CATSPER1: variants seen among roughly 807,000 people sequenced by gnomAD.
CATSPER1 encodes the protein cation channel sperm-associated protein 1.
In CATSPER1, 57 loss-of-function variants were observed where a neutral mutation model predicts 72.7. The ratio of observed to expected loss-of-function variants is 0.78; its 90% confidence interval spans 0.63 to 0.98. The LOEUF (loss-of-function observed/expected upper bound fraction) is 0.98, where lower values mean the gene tolerates loss of function less well. Ranked by LOEUF, CATSPER1 falls within the 50% of genes least tolerant of loss-of-function variation. CATSPER1 has a pLI of 0.00. For missense variants in CATSPER1, 910 were observed against 1,033.9 expected (o/e 0.88, Z 1.64); for synonymous variants, 363 against 403.0 (o/e 0.90, Z 1.19).
chr11:66,017,128 C>G lies in CATSPER1; in HGVS notation c.2248G>C (p.Glu750Gln). 2 of 1,613,290 alleles carry G rather than the reference C, an allele frequency of 1.2e-6. No homozygotes were observed. Among genetic ancestry groups the G allele is most frequent in the Middle Eastern group, 1.7e-4 (1 of 5,980 alleles). Residue 750 changes from glutamate to glutamine, a missense_variant, in exon 11 of 12, where the codon GAG becomes CAG. By Grantham distance (29) the Glu-to-Gln change is conservative (BLOSUM62 2). Transcript: ENST00000312106. The part of the protein sequence containing the change: ...FHYLQLVASV[E>Q]QEQQKFRSQA... ...GAGCGGAACTTCTGCTGCTCCTGCT[C>G]CACGCTTGCCACCAGCTGCAGGTAA...
At position 66,026,251 on chromosome 11, in the gene CATSPER1, G is replaced by A. The variant is rs34822127; in HGVS notation, c.129C>T (p.Tyr43=). 1.5e-5 allele frequency: 25 copies of A among 1,613,998 alleles called. No individual in the cohort carries two copies. Among genetic ancestry groups the A allele is most frequent in the African/African-American group, 9.3e-5 (7 of 74,928 alleles). ...RPGHSRALHH[Y]ELHHHGVPHQ... is the part of the protein sequence containing the mutation. Reference sequence around the variant, plus strand: ...GGGGCACGCCGTGATGGTGCAACTCGTAATGGTGGAGAGCTCTGCTGTGGC... The same window carrying A: ...GGGGCACGCCGTGATGGTGCAACTCATAATGGTGGAGAGCTCTGCTGTGGC... The change falls in exon 1 of 12, where the codon TAC becomes TAT. Residue 43 remains tyrosine (Y), a synonymous_variant. Transcript: ENST00000312106.
Position 66,025,688 on chromosome 11 carries a change from T to G in CATSPER1, c.692A>C (p.His231Pro), listed in dbSNP as rs745919577. 6.2e-7 allele frequency: 1 copy of G among 1,613,838 alleles called. No homozygotes were observed. The highest frequency in any genetic ancestry group is 8.5e-7 in the Non-Finnish European group (1 of 1,179,972). Residue 231 changes from histidine to proline, a missense_variant, in exon 1 of 12, where the codon CAT (histidine) becomes CCT (proline). By Grantham distance (77) the His-to-Pro change is moderately conservative (BLOSUM62 -2). Coordinates refer to ENST00000312106, the MANE Select transcript of CATSPER1 (RefSeq NM_053054.4). ...CTTTCCATGCTGGTGGGCTTCATGA[T>G]GACGGGACCTGCCATGGTGGTGGAC... ...HQVHHHGRSR[H>P]HEAHQHGKSP...
intron 1 of CATSPER1, 141 bp downstream of exon 1, chr11:66,025,023 A>G (rs1856465514): frequency 1.0e-6 from 1 of 962,104 alleles, no homozygotes; most frequent in African/African-American, 1.6e-5. Flanking sequence ...ATGAACAGTC[A>G]GGAGAGTGAA....
Position 66,025,377 on chromosome 11 carries a change from T to G in CATSPER1, c.1003A>C (p.Ile335Leu). The G allele has an allele frequency of 6.2e-7, 1 of 1,614,006 alleles. No individual in the cohort carries two copies. The highest frequency in any genetic ancestry group is 1.1e-5 in the South Asian group (1 of 91,072). The change falls in exon 1 of 12, where the codon ATT (isoleucine) becomes CTT (leucine). Residue 335 changes from isoleucine (I) to leucine (L), a missense_variant. Coordinates refer to ENST00000312106, the MANE Select transcript of CATSPER1 (RefSeq NM_053054.4). The stretch of plus-strand genomic sequence containing the variant: ...GCAGCAGGGCCGGGGGCATCGTGAA[T>G]CAGGCTCCGGGATGTGTGTGGGATA... ...LSIPHTSRSL[I>L]HDAPGPAASR...
chr11:66,023,142 T>G, intron 1 of CATSPER1, 81 bp from the exon 2 acceptor site: 1 of 1,326,302 alleles, frequency 7.5e-7, no homozygotes, highest in Non-Finnish European at 1.1e-6. Context: ...TGGCTCAGCG[T>G]CCATGGTCAC....
chr11:66,018,618 C>T (rs1253464672), intron 10 of CATSPER1, among the ~76,000 whole-genome samples: 1 of 152,198 alleles, frequency 6.6e-6, no homozygotes, highest in Non-Finnish European at 1.5e-5. Flanking sequence ...GGCACCCCTG[C>T]TGCTGGGATT....
In CATSPER1 at chr11:66,020,463, T is replaced by A. The variant is rs930779362; in HGVS notation, c.1992-74A>T. ...GGGGCACCCGGTACTTCTTGTGGGT[T>A]CAGCGTGGCATGACCAGGGTGAGAG... On this transcript the variant is annotated intron_variant, in intron 7 of 11. Coordinates refer to ENST00000312106, the MANE Select transcript of CATSPER1 (RefSeq NM_053054.4). This position sits in a 1 kb window ranked among gnomAD's most constrained non-coding sequence, Gnocchi z 4.5. The A allele has an allele frequency of 1.2e-5, 20 of 1,604,994 alleles. No individual in the cohort carries two copies. Among genetic ancestry groups the A allele is most frequent in the Middle Eastern group, 3.3e-4 (2 of 6,074 alleles).
At position 66,026,099 on chromosome 11, in the gene CATSPER1, G is replaced by T; in HGVS notation, c.281C>A (p.Thr94Lys). Reference protein sequence around the residue: ...ARNHGRAHGPTGFGLAPSQGA... With the variant: ...ARNHGRAHGPKGFGLAPSQGA... ...TTGAGAGGGAGCCAGACCAAAGCCT[G>T]TGGGGCCATGGGCTCTGCCGTGATT... is the stretch of plus-strand genomic sequence containing the variant. Residue 94 changes from threonine (T) to lysine (K), a missense_variant, in exon 1 of 12, where the codon ACA becomes AAA. Coordinates refer to ENST00000312106, the MANE Select transcript of CATSPER1 (RefSeq NM_053054.4). 1.2e-6 allele frequency: 2 copies of T among 1,612,242 alleles called. No homozygotes were observed. Among genetic ancestry groups the T allele is most frequent in the African/African-American group, 1.3e-5 (1 of 74,916 alleles).
chr11:66,020,287 C>G lies in CATSPER1; in HGVS notation c.2064+30G>C, dbSNP rs776914422. 6.2e-7 allele frequency: 1 copy of G among 1,614,172 alleles called. No homozygotes were observed. Among genetic ancestry groups the G allele is most frequent in the Non-Finnish European group, 8.5e-7 (1 of 1,180,012 alleles). On this transcript the variant is annotated intron_variant, in intron 8 of 11. Coordinates refer to ENST00000312106, the MANE Select transcript of CATSPER1 (RefSeq NM_053054.4). This position sits in a 1 kb window ranked among gnomAD's most constrained non-coding sequence, Gnocchi z 4.5. ...GGCCTCACTCCTCCAGCTTCCTGAT[C>G]TGGTCCACCTGTCCCACCCCACTCG...
At chr11:66,021,381 C>T in intron 4 of CATSPER1, 115 bp downstream of exon 4, 1 of 1,379,386 alleles carries the variant, frequency 7.2e-7, no homozygotes, top group Non-Finnish European at 9.9e-7. Context: ...CTGGGGTCAG[C>T]AGCCTCCTGC....
chr11:66,017,866 A>G (rs754873325), intron 10 of CATSPER1, among the ~76,000 whole-genome samples: 56 of 152,182 alleles, frequency 3.7e-4, no homozygotes, highest in Non-Finnish European at 7.1e-4. Flanking sequence ...GGCGACCTGG[A>G]AAGACTTCTG....
intron 4 of CATSPER1, 140 bp downstream of exon 4, chr11:66,021,356 G>A (rs1856364171): frequency 7.9e-7 from 1 of 1,263,142 alleles, no homozygotes; most frequent in Non-Finnish European, 1.1e-6. Context: ...GTGCATGACA[G>A]AAGGCAGAAG....
In CATSPER1 at chr11:66,023,112, G is replaced by A. The variant is rs765401244; in HGVS notation, c.1217-51C>T. ...AAGTGTGTGCAAGAGGGGACACGAG[G>A]TCCCAGGCACCCCCCAGCCTGGCTC... On this transcript the variant is annotated intron_variant, in intron 1 of 11. Transcript: ENST00000312106. 4.6e-6 allele frequency: 7 copies of A among 1,535,616 alleles called. No homozygotes were observed. In the South Asian group the frequency reaches 7.8e-5, roughly 17 times the overall value.
At position 66,017,192 on chromosome 11, in the gene CATSPER1, G is replaced by GC; in HGVS notation, c.2202-19_2202-18insG. 2 of 518,410 alleles carry GC rather than the reference G, an allele frequency of 3.9e-6. No individual in the cohort carries two copies. Among genetic ancestry groups the GC allele is most frequent in the Non-Finnish European group, 3.8e-6 (1 of 262,958 alleles). 32.1% of individuals were successfully genotyped at this position (518,410 alleles called of 1,614,324 possible). A position where few individuals can be genotyped will look rare whatever the true frequency, so the allele number is the denominator to read the frequency against. Reference sequence around the variant, plus strand: ...CCTGCTGCCTGCGGGTGGGCGGGGGGGTCGCAGAGACAGGGGCTGGGCTGA... The same window carrying GC: ...CCTGCTGCCTGCGGGTGGGCGGGGGGCGTCGCAGAGACAGGGGCTGGGCTGA... On this transcript the variant is annotated intron_variant, in intron 10 of 11. Transcript: ENST00000312106.
intron 1 of CATSPER1, 104 bp downstream of exon 1, chr11:66,025,060 G>A: frequency 1.4e-6 from 2 of 1,404,746 alleles, no homozygotes; most frequent in Non-Finnish European, 2.0e-6. Context: ...TGTGCAGGAG[G>A]GTCGGGCCTT....
At chr11:66,025,035 A>C in intron 1 of CATSPER1, 129 bp downstream of exon 1, 1 of 1,067,230 alleles carries the variant, frequency 9.4e-7, no homozygotes, top group Non-Finnish European at 1.4e-6. Flanking sequence ...GAGAGTGAAT[A>C]GCCAGTGGGG....
At chr11:66,021,740 C>G (rs375866031) in intron 3 of CATSPER1, 26 bp downstream of exon 3, 265 of 1,611,676 alleles carry the variant, frequency 1.6e-4, no homozygotes, top group Admixed American at 4.3e-4. Flanking sequence ...ACTAAACACA[C>G]GCAGCCTGGC....
At chr11:66,023,890 C>T (rs554157032) in intron 1 of CATSPER1, among the ~76,000 whole-genome samples, 1 of 151,868 alleles carries the variant, frequency 6.6e-6, no homozygotes, top group East Asian at 2.0e-4. Flanking sequence ...CTCTGGGCTG[C>T]CTTTCCTGTC....
At chr11:66,025,087 C>T in intron 1 of CATSPER1, 77 bp downstream of exon 1, 1 of 1,583,816 alleles carries the variant, frequency 6.3e-7, no homozygotes, top group Non-Finnish European at 8.7e-7. Flanking sequence ...TGCGGAAGGA[C>T]AGTGCGGGGC....
Sources: allele counts gnomAD v4.1 joint callset (sites outside exome capture counted in the v4.1 genomes callset), GRCh38; gene constraint gnomAD v4.1.1; non-coding constraint Gnocchi (gnomAD v3.1); transcripts MANE v1.5; gene names NCBI Gene and HGNC (gene_info 2026-07-23, HGNC 2026-07-21).